The following ZHX2 variants were observed in gnomAD, a reference collection of about 807,000 sequenced individuals.
ZHX2 encodes the protein zinc fingers and homeoboxes protein 2.
ZHX2 carries 6 observed loss-of-function variants against 21.9 expected under a neutral mutation model. The ratio of observed to expected loss-of-function variants is 0.27; its 90% CI spans 0.15 to 0.54. The LOEUF is 0.54. Ranked by LOEUF, ZHX2 falls within the 20% of genes least tolerant of loss-of-function variation. The probability of loss-of-function intolerance (pLI) is 0.95; values close to 1 mark genes in which losing one functional copy is unlikely to be tolerated. For synonymous variants in ZHX2, 434 were observed against 437.1 expected (o/e 0.99, Z 0.09); for missense variants, 908 against 1,090.7 (o/e 0.83, Z 2.36).
At chr8:122,833,724 C>T (rs558385112) in intron 1 of ZHX2, among the ~76,000 whole-genome samples, 10 of 152,086 alleles carry the variant, frequency 6.6e-5, no homozygotes, top group African/African-American at 1.2e-4. Context: ...GGGCCGGGCG[C>T]GGTGGCTCAC....
chr8:122,819,426 A>G (rs1818097937), intron 1 of ZHX2, among the ~76,000 whole-genome samples: 1 of 152,232 alleles, frequency 6.6e-6, no homozygotes, highest in Admixed American at 6.5e-5. Context: ...CTCCATCCTC[A>G]GGAGGAGATA....
chr8:122,905,171 T>G (rs1252525482), intron 2 of ZHX2, among the ~76,000 whole-genome samples: 1 of 152,220 alleles, frequency 6.6e-6, no homozygotes, highest in African/African-American at 2.4e-5. Context: ...AAATTTGCCA[T>G]AAACCTACAG....
chr8:122,952,720 G>A lies in ZHX2; in HGVS notation c.1210G>A (p.Gly404Ser), dbSNP rs781297331. 6.2e-7 allele frequency: 1 copy of A among 1,614,014 alleles called. No individual in the cohort carries two copies. Among genetic ancestry groups the A allele is most frequent in the East Asian group, 2.2e-5 (1 of 44,858 alleles). Reference protein sequence around the residue: ...TLAVAGVTNHGQKRPLVTPQA... With the variant: ...TLAVAGVTNHSQKRPLVTPQA... ...TGCCGTGGCAGGAGTCACCAACCAT[G>A]GCCAGAAGAGACCCTTGGTGACTCC... Residue 404 changes from glycine (G) to serine (S), a missense_variant, in exon 3 of 4, where the codon GGC becomes AGC. Transcript: ENST00000314393. The surrounding 1 kb of genome is among the most constrained non-coding windows in gnomAD (Gnocchi z 6.9).
At chr8:122,875,614 G>A (rs1271617807) in intron 2 of ZHX2, among the ~76,000 whole-genome samples, 1 of 152,178 alleles carries the variant, frequency 6.6e-6, no homozygotes, top group Non-Finnish European at 1.5e-5. Flanking sequence ...TAGTAGACGT[G>A]GTAGTTGGAA....
In ZHX2 at chr8:122,952,557, C is replaced by T. The variant is rs146955427; in HGVS notation, c.1047C>T (p.Pro349=). The part of the protein sequence containing the change: ...QSVPPTITVL[P]AQLAPTKVTQ... ...TACCCCCGACCATCACTGTGCTGCC[C>T]GCCCAGTTGGCCCCCACAAAGGTGA... The change falls in exon 3 of 4, where the codon CCC becomes CCT. Residue 349 remains proline, a synonymous_variant. Transcript: ENST00000314393. The surrounding 1 kb of genome is among the most constrained non-coding windows in gnomAD (Gnocchi z 6.9). 1.9e-5 allele frequency: 31 copies of T among 1,614,086 alleles called. No homozygotes were observed. Among genetic ancestry groups the T allele is most frequent in the African/African-American group, 1.2e-4 (9 of 74,944 alleles).
intron 1 of ZHX2, among the ~76,000 whole-genome samples, chr8:122,847,510 C>G (rs1462579140): frequency 6.6e-6 from 1 of 152,240 alleles, no homozygotes; most frequent in Non-Finnish European, 1.5e-5. Context: ...GTCTTGGCAA[C>G]AGAGGCCTTG....
intron 2 of ZHX2, among the ~76,000 whole-genome samples, chr8:122,913,039 C>T (rs541524822): frequency 6.6e-6 from 1 of 152,286 alleles, no homozygotes; most frequent in South Asian, 2.1e-4. Flanking sequence ...TTGTTCCCTC[C>T]AAACTGCCCT....
At chr8:122,939,276 G>A (rs1812782793) in intron 2 of ZHX2, among the ~76,000 whole-genome samples, 1 of 152,210 alleles carries the variant, frequency 6.6e-6, no homozygotes, top group Admixed American at 6.5e-5. Context: ...CACCCGTGGC[G>A]TGGAACCAGA....
rs1158544475 is a variant in ZHX2 at position 122,973,789 on chromosome 8, G to T, written c.*552G>T. The T allele has an allele frequency of 6.6e-6, 1 of 152,620 alleles. No homozygotes were observed. The highest frequency in any genetic ancestry group is 6.5e-5 in the Admixed American group (1 of 15,284). The allele number at this position is 152,620 out of a possible 1,614,324, so 9.5% of individuals were successfully genotyped here. Reference sequence around the variant, plus strand: ...AATTTGGGAGATTTCTCGGCAGGAAGGGCTGAAATCCAGGCCCCTGTCTCA... The same window carrying T: ...AATTTGGGAGATTTCTCGGCAGGAATGGCTGAAATCCAGGCCCCTGTCTCA... On this transcript the variant is annotated 3_prime_UTR_variant, in exon 4 of 4. Transcript: ENST00000314393.
chr8:122,849,995 C>T (rs1209369958), intron 1 of ZHX2, among the ~76,000 whole-genome samples: 17 of 152,176 alleles, frequency 1.1e-4, no homozygotes, highest in Admixed American at 1.0e-3. Context: ...TGAGAGGCTT[C>T]CCAAACTTAA....
chr8:122,914,404 G>T (rs1182137930), intron 2 of ZHX2, among the ~76,000 whole-genome samples: 2 of 152,252 alleles, frequency 1.3e-5, no homozygotes, highest in East Asian at 3.8e-4. Flanking sequence ...AGCCAGAGCA[G>T]ATGGCATTTG....
intron 2 of ZHX2, among the ~76,000 whole-genome samples, chr8:122,918,891 T>A (rs1820667520): frequency 6.8e-6 from 1 of 147,892 alleles, no homozygotes; most frequent in African/African-American, 2.5e-5. Flanking sequence ...GAGGTTGCAG[T>A]GAGCCGAGAT....
At chr8:122,915,451 T>A (rs1176891989) in intron 2 of ZHX2, among the ~76,000 whole-genome samples, 1 of 152,176 alleles carries the variant, frequency 6.6e-6, no homozygotes, top group African/African-American at 2.4e-5. Flanking sequence ...AACTGGGAGA[T>A]CTCTCTGAGT....
chr8:122,968,926 A>G (rs563386422), intron 3 of ZHX2, among the ~76,000 whole-genome samples: 21 of 152,232 alleles, frequency 1.4e-4, no homozygotes, highest in Admixed American at 2.6e-4. Flanking sequence ...TGGGAGGCAA[A>G]GCCAGGTGGA....
At chr8:122,921,174 C>T (rs1395440029) in intron 2 of ZHX2, among the ~76,000 whole-genome samples, 3 of 152,112 alleles carry the variant, frequency 2.0e-5, no homozygotes, top group Non-Finnish European at 2.9e-5. Context: ...CTCTGCCTCC[C>T]AGGTTCAAGT....
At chr8:122,911,124 C>T (rs746134491) in intron 2 of ZHX2, among the ~76,000 whole-genome samples, 47 of 152,202 alleles carry the variant, frequency 3.1e-4, no homozygotes, top group Non-Finnish European at 5.6e-4. Context: ...AGGATGGCCT[C>T]ATAAAACATA....
At chr8:122,872,727 T>G (rs1226691472) in intron 2 of ZHX2, among the ~76,000 whole-genome samples, 1 of 152,176 alleles carries the variant, frequency 6.6e-6, no homozygotes, top group Non-Finnish European at 1.5e-5. Context: ...CAATTCAAAT[T>G]GACATAAGTG....
chr8:122,889,418 T>G (rs954153331), intron 2 of ZHX2, among the ~76,000 whole-genome samples: 3 of 152,248 alleles, frequency 2.0e-5, no homozygotes, highest in Non-Finnish European at 4.4e-5. Flanking sequence ...ATAATAGCCA[T>G]TCTAACTAGG....
intron 2 of ZHX2, among the ~76,000 whole-genome samples, chr8:122,866,120 C>T (rs910162625): frequency 6.6e-6 from 1 of 152,122 alleles, no homozygotes; most frequent in African/African-American, 2.4e-5. Flanking sequence ...GGGAAGTAGT[C>T]GTGAAGACTG....
Sources: allele counts gnomAD v4.1 joint callset (sites outside exome capture counted in the v4.1 genomes callset), GRCh38; gene constraint gnomAD v4.1.1; non-coding constraint Gnocchi (gnomAD v3.1); transcripts MANE v1.5; gene names NCBI Gene and HGNC (gene_info 2026-07-23, HGNC 2026-07-21).